The following BDP1 variants were observed in gnomAD, a reference collection of about 807,000 sequenced individuals.
BDP1 encodes the protein BDP1 general transcription factor IIIB subunit.
In BDP1, 169 loss-of-function variants were observed where a neutral mutation model predicts 266.6. That is an observed-to-expected ratio of 0.63 (90% CI 0.56 to 0.72). The LOEUF is 0.72. Ranked by LOEUF, BDP1 falls within the 30% of genes least tolerant of loss-of-function variation. BDP1 has a pLI of 0.00. For missense variants in BDP1, 3,015 were observed against 3,053.8 expected, an observed-to-expected ratio of 0.99 and a Z score of 0.30; for synonymous variants, 1,090 against 1,022.4, an observed-to-expected ratio of 1.07 and a Z score of -1.26.
chr5:71,505,223 T>A (rs1008480599), intron 16 of BDP1, among the ~76,000 whole-genome samples: 2 of 152,120 alleles, frequency 1.3e-5, no homozygotes, highest in African/African-American at 4.8e-5. Flanking sequence ...GCCAGGCTGG[T>A]CTCGAACTCC....
At chr5:71,577,812 G>T in the BDP1 span, among the ~76,000 whole-genome samples, 1 of 152,242 alleles carries the variant, frequency 6.6e-6, no homozygotes, top group Middle Eastern at 3.4e-3. Context: ...TTTTGTCTCT[G>T]TCTTCTGTTC....
chr5:71,455,889 G>C lies in BDP1; in HGVS notation c.12G>C (p.Arg4Ser), dbSNP rs1304520441. 17 of 1,590,974 alleles carry C rather than the reference G, an allele frequency of 1.1e-5. No individual in the cohort carries two copies. The highest frequency in any genetic ancestry group is 1.3e-5 in the African/African-American group (1 of 74,722). The change falls in exon 1 of 39, where the codon AGG becomes AGC. Residue 4 changes from arginine to serine, a missense_variant. By Grantham distance (110) the Arg-to-Ser change is moderately radical (BLOSUM62 -1). Around this residue, in one of 3 missense-constraint regions of BDP1, gnomAD observed 2,383 missense variants for 2,404.9 expected, o/e 0.99. Coordinates refer to ENST00000358731, the MANE Select transcript of BDP1 (RefSeq NM_018429.3). Reference sequence around the variant, plus strand: ...CCCCTGCCTCCGCCATGTTCCGCAGGGCACGCCTTAGCGTGAAGCCGAATG... The same window carrying C: ...CCCCTGCCTCCGCCATGTTCCGCAGCGCACGCCTTAGCGTGAAGCCGAATG... MFR[R>S]ARLSVKPNVR...
chr5:71,461,455 A>C (rs996676950), intron 2 of BDP1, among the ~76,000 whole-genome samples: 4 of 151,114 alleles, frequency 2.6e-5, no homozygotes, highest in African/African-American at 7.3e-5. Context: ...AAAAAAAAAA[A>C]CCCCACAAAA....
intron 22 of BDP1, among the ~76,000 whole-genome samples, chr5:71,519,120 TG>T (rs1765371561): frequency 6.6e-6 from 1 of 152,040 alleles, no homozygotes; most frequent in Non-Finnish European, 1.5e-5. Flanking sequence ...GCGCCCAACC[TG>T]GATTACTTTT....
rs1442158890 is a variant in BDP1 at position 71,566,872 on chromosome 5, AT to A, written c.*1988del. 1.3e-5 allele frequency: 2 copies of A among 152,228 alleles called. No individual in the cohort carries two copies. The highest frequency in any genetic ancestry group is 2.9e-5 in the Non-Finnish European group (2 of 68,040). The allele number at this position is 152,228 out of a possible 1,614,324, so 9.4% of individuals were successfully genotyped here. ...TTAGAGTCTAGATAATTATGTTTGT[AT>A]ATTGAAAAAATGGTGGCCAGTTTTT... On this transcript the variant is annotated 3_prime_UTR_variant, in exon 39 of 39. Transcript: ENST00000358731.
rs1036095087 is a variant in BDP1 at position 71,490,846 on chromosome 5, A to G, written c.1493-138A>G. The G allele has an allele frequency of 1.2e-5, 9 of 774,576 alleles. No homozygotes were observed. In the African/African-American group the frequency reaches 1.4e-4, roughly 12 times the overall value. The allele number at this position is 774,576 out of a possible 1,614,324, so 48.0% of individuals were successfully genotyped here. On this transcript the variant is annotated intron_variant, in intron 10 of 38. Transcript: ENST00000358731. ...GTTTTTATTATGGTCTAAAAATAAG[A>G]TGTGTGCCTTGCAAATAGGGACTTG...
Position 71,455,739 on chromosome 5 carries a change from A to T in BDP1, c.-139A>T. The T allele has an allele frequency of 1.4e-6, 1 of 724,830 alleles. No homozygotes were observed. Among genetic ancestry groups the T allele is most frequent in the Non-Finnish European group, 2.2e-6 (1 of 444,878 alleles). 44.9% of individuals were successfully genotyped at this position (724,830 alleles called of 1,614,324 possible). A position where few individuals can be genotyped will look rare whatever the true frequency, so the allele number is the denominator to read the frequency against. ...GGAGGAGGCGGCGGCGGGGCAGTGAAACTACGGTAGCTGCCCCCTGAGCTG... is the reference window on the plus strand; with the variant it reads ...GGAGGAGGCGGCGGCGGGGCAGTGATACTACGGTAGCTGCCCCCTGAGCTG... On this transcript the variant is annotated 5_prime_UTR_variant, in exon 1 of 39. Coordinates refer to ENST00000358731, the MANE Select transcript of BDP1 (RefSeq NM_018429.3).
At chr5:71,525,729 G>C (rs868682334) in intron 25 of BDP1, among the ~76,000 whole-genome samples, 4 of 150,768 alleles carry the variant, frequency 2.7e-5, no homozygotes, top group South Asian at 4.2e-4. Flanking sequence ...CTGGCCAGGC[G>C]GGGGGCTGAC....
intron 21 of BDP1, 125 bp downstream of exon 21, chr5:71,516,396 G>A (rs1765224921): frequency 4.5e-6 from 3 of 673,226 alleles, no homozygotes; most frequent in African/African-American, 3.7e-5. Flanking sequence ...ACAGTTTCCA[G>A]TTTTGTTTCA....
downstream of BDP1, among the ~76,000 whole-genome samples, chr5:71,571,031 A>G (rs559517912): frequency 1.3e-4 from 20 of 152,358 alleles, no homozygotes; most frequent in African/African-American, 4.1e-4. Flanking sequence ...ATAAAAAATA[A>G]GTATGACAAC....
At chr5:71,469,904 C>T (rs1053566691) in intron 6 of BDP1, among the ~76,000 whole-genome samples, 12 of 148,752 alleles carry the variant, frequency 8.1e-5, no homozygotes, top group Admixed American at 1.4e-4. Flanking sequence ...TGCAATGGCA[C>T]GATCTCGGCT....
At chr5:71,500,474 C>T (rs1764168123) in intron 13 of BDP1, among the ~76,000 whole-genome samples, 2 of 151,462 alleles carry the variant, frequency 1.3e-5, no homozygotes, top group South Asian at 2.1e-4. Context: ...TACAGGCATG[C>T]GCCACCATGC....
At chr5:71,572,085 G>A (rs1003450013), downstream of BDP1, among the ~76,000 whole-genome samples, 5 of 152,144 alleles carry the variant, frequency 3.3e-5, no homozygotes, top group African/African-American at 7.2e-5. Context: ...CTACTGGGAC[G>A]TCTAGAGCCT....
rs981222275 is a variant in BDP1 at position 71,544,601 on chromosome 5, C to T, written c.6563+94C>T. The T allele has an allele frequency of 1.5e-4, 210 of 1,396,872 alleles. 2 individuals carry two copies. The highest frequency in any genetic ancestry group is 2.8e-4 in the East Asian group (12 of 42,484). 86.5% of individuals were successfully genotyped at this position (1,396,872 alleles called of 1,614,324 possible). A position where few individuals can be genotyped will look rare whatever the true frequency, so the allele number is the denominator to read the frequency against. ...AAGAATTTGAAAAAGAAGTTCTGGCCGGGCACGGTGGCTCACGCCTGTAAT... is the reference window on the plus strand; with the variant it reads ...AAGAATTTGAAAAAGAAGTTCTGGCTGGGCACGGTGGCTCACGCCTGTAAT... On this transcript the variant is annotated intron_variant, in intron 31 of 38. Coordinates refer to ENST00000358731, the MANE Select transcript of BDP1 (RefSeq NM_018429.3).
chr5:71,463,201 G>A (rs1026082658), intron 3 of BDP1, among the ~76,000 whole-genome samples: 1 of 152,174 alleles, frequency 6.6e-6, no homozygotes, highest in East Asian at 1.9e-4. Flanking sequence ...TTTATGCCCT[G>A]CCTTCTAATA....
intron 16 of BDP1, among the ~76,000 whole-genome samples, chr5:71,508,943 A>G (rs1009864473): frequency 6.6e-6 from 1 of 152,226 alleles, no homozygotes; most frequent in Non-Finnish European, 1.5e-5. Context: ...TCTGTATAGG[A>G]AATCTCATAT....
chr5:71,483,999 G>A (rs1763111957), intron 8 of BDP1, 103 bp downstream of exon 8: 1 of 948,600 alleles, frequency 1.1e-6, no homozygotes, highest in Non-Finnish European at 1.6e-6. Context: ...TTTTGTTCCT[G>A]TATTGGCATT....
In BDP1 at chr5:71,522,941, A is replaced by G. The variant is rs1420435808; in HGVS notation, c.5379A>G (p.Lys1793=). The G allele has an allele frequency of 6.3e-7, 1 of 1,579,048 alleles. No homozygotes were observed. ...TTGTTGAAGAGCAATATCTCAATAA[A>G]CTAACAAGGTAACATTTTATTTAAC... ...SSVVEEQYLN[K]LTSCPQPLNE... Residue 1793 remains lysine (K), a synonymous_variant, in exon 24 of 39, where the codon AAA becomes AAG. Coordinates refer to ENST00000358731, the MANE Select transcript of BDP1 (RefSeq NM_018429.3).
Position 71,541,449 on chromosome 5 carries a change from T to G in BDP1, c.6023-5T>G. 9.2e-7 allele frequency: 1 copy of G among 1,092,724 alleles called. No individual in the cohort carries two copies. Among genetic ancestry groups the G allele is most frequent in the Non-Finnish European group, 1.3e-6 (1 of 787,426 alleles). The allele number at this position is 1,092,724 out of a possible 1,614,324, so 67.7% of individuals were successfully genotyped here. On this transcript the variant is annotated splice_polypyrimidine_tract_variant and splice_region_variant and intron_variant, in intron 28 of 38. Transcript: ENST00000358731. ...TTTAATTTTGTTTTTTTTTTTTTTC[T>G]TCAGTAGGAGTATGTATAATTCCTC...
Sources: gnomAD v4.1 joint callset for allele counts (sites outside exome capture counted in the v4.1 genomes callset) on GRCh38, gnomAD v4.1.1 for gene constraint, gnomAD v4.1.1 regional missense constraint, MANE v1.5 for transcripts, NCBI Gene and HGNC (gene_info 2026-07-23, HGNC 2026-07-21) for gene names.